Variants in SLC24A2 observed in about 807,000 individuals in gnomAD.
SLC24A2 encodes the protein solute carrier family 24 member 2.
Under a neutral mutation model 62.0 loss-of-function variants are expected in SLC24A2, and 36 were observed. The observed-to-expected ratio is 0.58, with a 90% CI of 0.44 to 0.77. SLC24A2 has a LOEUF of 0.77. Ranked by LOEUF, SLC24A2 falls within the 30% of genes least tolerant of loss-of-function variation. The pLI, the probability that SLC24A2 is intolerant of heterozygous loss-of-function variation, is 0.00. For missense variants in SLC24A2, 846 were observed against 817.9 expected (o/e 1.03, Z -0.42); for synonymous variants, 358 against 294.0 (o/e 1.22, Z -2.23).
At chr9:19,718,643 T>G (rs1372041818) in intron 2 of SLC24A2, among the ~76,000 whole-genome samples, 1 of 152,034 alleles carries the variant, frequency 6.6e-6, no homozygotes, top group African/African-American at 2.4e-5. Context: ...ACACGTTACT[T>G]TGACTGACAC....
At chr9:20,284,471 A>G in the SLC24A2 span, among the ~76,000 whole-genome samples, 2 of 152,094 alleles carry the variant, frequency 1.3e-5, no homozygotes, top group Non-Finnish European at 2.9e-5. Context: ...AACTGCAGAG[A>G]AATCTCTGAG....
At chr9:20,069,043 C>T in the SLC24A2 span, among the ~76,000 whole-genome samples, 2 of 123,438 alleles carry the variant, frequency 1.6e-5, no homozygotes, top group Non-Finnish European at 3.4e-5. Flanking sequence ...TTTCACCTCC[C>T]AAAACTACTC....
chr9:19,607,403 A>T (rs1250720686), intron 4 of SLC24A2, among the ~76,000 whole-genome samples: 1 of 152,100 alleles, frequency 6.6e-6, no homozygotes, highest in Non-Finnish European at 1.5e-5. Context: ...GATATCTTTG[A>T]GCTCAAATGC....
At chr9:19,706,484 A>G (rs1464986633) in intron 2 of SLC24A2, among the ~76,000 whole-genome samples, 1 of 148,414 alleles carries the variant, frequency 6.7e-6, no homozygotes, top group Non-Finnish European at 1.5e-5. Context: ...GGTTCACGCC[A>G]TTCTCCTGCC....
chr9:20,035,534 G>C, the SLC24A2 span, among the ~76,000 whole-genome samples: 1 of 152,102 alleles, frequency 6.6e-6, no homozygotes, highest in Non-Finnish European at 1.5e-5. Flanking sequence ...AAGGAGGATT[G>C]CTTGAGCCCA....
the SLC24A2 span, among the ~76,000 whole-genome samples, chr9:20,158,500 G>C: frequency 1.3e-5 from 2 of 151,602 alleles, no homozygotes; most frequent in Non-Finnish European, 3.0e-5. Flanking sequence ...ATGAAGAACA[G>C]GGCCGTCATC....
At chr9:20,068,611 T>A in the SLC24A2 span, among the ~76,000 whole-genome samples, 6 of 152,158 alleles carry the variant, frequency 3.9e-5, no homozygotes, top group African/African-American at 1.4e-4. Flanking sequence ...GATGCTTATA[T>A]TGCCATAAAT....
chr9:19,622,434 C>G, intron 2 of SLC24A2, 135 bp from the exon 3 acceptor site: 2 of 834,538 alleles, frequency 2.4e-6, no homozygotes, highest in African/African-American at 1.7e-5. Flanking sequence ...ATGAGTTAAG[C>G]CAAAACAGGG....
At chr9:20,140,128 CGA>C in the SLC24A2 span, among the ~76,000 whole-genome samples, 1 of 152,138 alleles carries the variant, frequency 6.6e-6, no homozygotes, top group Non-Finnish European at 1.5e-5. Context: ...TGAGATGCGG[CGA>C]GAGAGTTGTT....
chr9:19,988,917 G>A, the SLC24A2 span, among the ~76,000 whole-genome samples: 4 of 152,154 alleles, frequency 2.6e-5, no homozygotes, highest in Non-Finnish European at 5.9e-5. Flanking sequence ...ATAGGCTTGT[G>A]CCACGCAAAG....
chr9:20,091,023 G>C, the SLC24A2 span, among the ~76,000 whole-genome samples: 1 of 151,748 alleles, frequency 6.6e-6, no homozygotes, highest in African/African-American at 2.4e-5. Flanking sequence ...TGATCTGACA[G>C]AGATGAAAAA....
intron 2 of SLC24A2, among the ~76,000 whole-genome samples, chr9:19,720,948 T>A (rs1301169102): frequency 2.0e-5 from 3 of 151,948 alleles, no homozygotes. Flanking sequence ...AAGATTTGAT[T>A]GTCTACATTC....
the SLC24A2 span, among the ~76,000 whole-genome samples, chr9:19,963,600 CA>C: frequency 6.6e-6 from 1 of 152,088 alleles, no homozygotes; most frequent in African/African-American, 2.4e-5. Context: ...TTTATGCAGC[CA>C]AAAAACACAT....
At chr9:19,675,240 C>T (rs988147596) in intron 2 of SLC24A2, among the ~76,000 whole-genome samples, 2 of 152,202 alleles carry the variant, frequency 1.3e-5, no homozygotes, top group Non-Finnish European at 2.9e-5. Context: ...ATACCAGCAC[C>T]TGCTCCAGTG....
At chr9:19,943,027 G>A in the SLC24A2 span, among the ~76,000 whole-genome samples, 2 of 152,096 alleles carry the variant, frequency 1.3e-5, no homozygotes, top group African/African-American at 2.4e-5. Flanking sequence ...AGAAATTATT[G>A]TTGATCTGCA....
chr9:19,964,940 G>A, the SLC24A2 span, among the ~76,000 whole-genome samples: 13 of 152,118 alleles, frequency 8.5e-5, no homozygotes, highest in African/African-American at 3.1e-4. Context: ...TTTGCTTGAG[G>A]TGCCAGCCTA....
At chr9:19,873,911 C>T in the SLC24A2 span, among the ~76,000 whole-genome samples, 1 of 152,116 alleles carries the variant, frequency 6.6e-6, no homozygotes, top group Admixed American at 6.6e-5. Context: ...CACTTATTGG[C>T]TGCTTTAATG....
chr9:20,012,929 C>T, the SLC24A2 span, among the ~76,000 whole-genome samples: 1 of 151,248 alleles, frequency 6.6e-6, no homozygotes, highest in South Asian at 2.1e-4. Context: ...GGATAGATAT[C>T]CCATACTCAC....
chr9:20,146,552 C>T, the SLC24A2 span, among the ~76,000 whole-genome samples: 259 of 152,206 alleles, frequency 1.7e-3, no homozygotes, highest in African/African-American at 5.4e-3. Flanking sequence ...TATAGGGGAA[C>T]ATGCAGGCAG....
Sources: gnomAD v4.1 joint callset for allele counts (sites outside exome capture counted in the v4.1 genomes callset) on GRCh38, gnomAD v4.1.1 for gene constraint, MANE v1.5 for transcripts, NCBI Gene and HGNC (gene_info 2026-07-23, HGNC 2026-07-21) for gene names.